The following AFF3 variants were observed in gnomAD, a reference collection of about 807,000 sequenced individuals.
The protein encoded by AFF3 is ALF transcription elongation factor 3.
In AFF3, 32 loss-of-function variants were observed where a neutral mutation model predicts 129.7. That is an observed-to-expected ratio of 0.25 (90% CI 0.19 to 0.33). AFF3 has a LOEUF of 0.33. Ranked by LOEUF, AFF3 falls within the 10% of genes least tolerant of loss-of-function variation. The pLI, the probability that AFF3 is intolerant of heterozygous loss-of-function variation, is 1.00. For synonymous variants in AFF3, 644 were observed against 635.4 expected (o/e 1.01, Z -0.20); for missense variants, 1,373 against 1,592.0 (o/e 0.86, Z 2.34).
At chr2:99,623,657 C>T (rs895893053) in intron 13 of AFF3, among the ~76,000 whole-genome samples, 10 of 152,300 alleles carry the variant, frequency 6.6e-5, no homozygotes, top group South Asian at 2.1e-4. Context: ...GGGTTAGGGT[C>T]GGGGAGAGGC....
At chr2:99,660,504 T>C (rs952180306) in intron 12 of AFF3, among the ~76,000 whole-genome samples, 2 of 152,242 alleles carry the variant, frequency 1.3e-5, no homozygotes, top group African/African-American at 4.8e-5. Context: ...TGTGTTATTA[T>C]TGTTATCAGG....
chr2:99,788,664 GT>G (rs1684978945), intron 8 of AFF3, among the ~76,000 whole-genome samples: 1 of 152,108 alleles, frequency 6.6e-6, no homozygotes, highest in South Asian at 2.1e-4. Flanking sequence ...AGAAACAGAA[GT>G]TTTTTAAAAA....
intron 2 of AFF3, among the ~76,000 whole-genome samples, chr2:100,114,282 A>G (rs1446188586): frequency 6.6e-6 from 1 of 152,236 alleles, no homozygotes; most frequent in Non-Finnish European, 1.5e-5. Flanking sequence ...TCAATTATTA[A>G]GAATTCAAAA....
chr2:99,968,487 G>A (rs1343618856), intron 7 of AFF3, among the ~76,000 whole-genome samples: 1 of 152,168 alleles, frequency 6.6e-6, no homozygotes, highest in African/African-American at 2.4e-5. Flanking sequence ...CCAAGTGGCT[G>A]CAATTAAAGC....
chr2:99,596,351 G>A (rs1046199072), intron 14 of AFF3, among the ~76,000 whole-genome samples: 1 of 152,172 alleles, frequency 6.6e-6, no homozygotes. Context: ...CTCGGCCAAG[G>A]GGGATCCCTC....
At chr2:99,718,917 A>AT (rs1260092559) in intron 11 of AFF3, among the ~76,000 whole-genome samples, 1 of 151,656 alleles carries the variant, frequency 6.6e-6, no homozygotes, top group Non-Finnish European at 1.5e-5. Context: ...TGCCCGGCTA[A>AT]TTTTTTGTAT....
At chr2:99,668,547 C>CTTTTTG (rs112405009) in intron 12 of AFF3, among the ~76,000 whole-genome samples, 28 of 151,450 alleles carry the variant, frequency 1.8e-4, no homozygotes, top group African/African-American at 5.8e-4. Flanking sequence ...TAATTATCAT[C>CTTTTTG]TTTTTGTTTT....
At chr2:100,120,572 G>A (rs1482801195) in intron 2 of AFF3, among the ~76,000 whole-genome samples, 1 of 151,490 alleles carries the variant, frequency 6.6e-6, no homozygotes, top group East Asian at 1.9e-4. Flanking sequence ...ATCTGAGGAA[G>A]GGAAGAAATT....
chr2:99,870,401 TGGA>T (rs1691785243), intron 7 of AFF3, among the ~76,000 whole-genome samples: 1 of 152,190 alleles, frequency 6.6e-6, no homozygotes, highest in Non-Finnish European at 1.5e-5. Flanking sequence ...CCACAGCAGG[TGGA>T]GGAGAGGGCA....
intron 11 of AFF3, among the ~76,000 whole-genome samples, chr2:99,711,574 TG>T (rs1313411969): frequency 2.0e-5 from 3 of 152,180 alleles, no homozygotes; most frequent in African/African-American, 2.4e-5. Flanking sequence ...TATGCAAGCT[TG>T]GCATTTAGGA....
chr2:99,990,468 A>AT (rs1396092151), intron 7 of AFF3, among the ~76,000 whole-genome samples: 1 of 152,154 alleles, frequency 6.6e-6, no homozygotes, highest in Non-Finnish European at 1.5e-5. Flanking sequence ...CATCTTAATC[A>AT]TTTTCATACA....
chr2:99,746,462 A>G (rs1681166521), intron 9 of AFF3, among the ~76,000 whole-genome samples: 1 of 152,204 alleles, frequency 6.6e-6, no homozygotes, highest in African/African-American at 2.4e-5. Context: ...AGGAAAATTG[A>G]GACGGGAAGG....
At chr2:99,957,850 C>A (rs977791008) in intron 7 of AFF3, among the ~76,000 whole-genome samples, 17 of 152,186 alleles carry the variant, frequency 1.1e-4, no homozygotes, top group African/African-American at 4.1e-4. Flanking sequence ...GCCAGGACTT[C>A]TAAAGCAGGC....
chr2:99,989,195 C>A lies in AFF3; in HGVS notation c.873+17437G>T, dbSNP rs571775799. ...TAAGTATGGAATGTTGCAAAAATAT[C>A]CACATAGGCAAATCAAGATAGCAGT... On this transcript the variant is annotated intron_variant, in intron 7 of 24. Coordinates refer to ENST00000672756, the MANE Select transcript of AFF3 (RefSeq NM_001386135.1). 3.3e-5 allele frequency among the ~76,000 whole-genome samples: 5 copies of A among 152,282 alleles called. No homozygotes were observed. The South Asian group carries it at 8.3e-4, about 25-fold the overall frequency.
At chr2:100,117,733 G>A (rs1691788159) in intron 2 of AFF3, among the ~76,000 whole-genome samples, 2 of 152,182 alleles carry the variant, frequency 1.3e-5, no homozygotes, top group Non-Finnish European at 2.9e-5. Flanking sequence ...TTGAGACCTA[G>A]GGTGATATTA....
intron 7 of AFF3, among the ~76,000 whole-genome samples, chr2:99,913,633 G>A (rs768856573): frequency 6.6e-6 from 1 of 152,162 alleles, no homozygotes; most frequent in Non-Finnish European, 1.5e-5. Flanking sequence ...TAAATACCAT[G>A]TCCGCAATCA....
intron 7 of AFF3, among the ~76,000 whole-genome samples, chr2:99,999,697 TAA>T (rs768970179): frequency 3.5e-4 from 53 of 152,256 alleles, no homozygotes; most frequent in Non-Finnish European, 7.3e-4. Flanking sequence ...GCCACCGTGC[TAA>T]GCACTGTAAG....
At chr2:99,729,237 A>T (rs1303290702) in intron 10 of AFF3, among the ~76,000 whole-genome samples, 1 of 152,206 alleles carries the variant, frequency 6.6e-6, no homozygotes, top group Non-Finnish European at 1.5e-5. Context: ...ATTGAAAATA[A>T]AAACGAAGGC....
At chr2:99,805,733 T>A (rs1201383790) in intron 8 of AFF3, among the ~76,000 whole-genome samples, 1 of 152,160 alleles carries the variant, frequency 6.6e-6, no homozygotes, top group Non-Finnish European at 1.5e-5. Flanking sequence ...CACAATTATG[T>A]ATATGTCTAT....
Sources: allele counts gnomAD v4.1 joint callset (sites outside exome capture counted in the v4.1 genomes callset), GRCh38; gene constraint gnomAD v4.1.1; transcripts MANE v1.5; gene names NCBI Gene and HGNC (gene_info 2026-07-23, HGNC 2026-07-21).